The following RABIF variants were observed in gnomAD, a reference collection of about 807,000 sequenced individuals.
The protein encoded by RABIF is guanine nucleotide exchange factor MSS4.
In RABIF, 13 loss-of-function variants were observed where a neutral mutation model predicts 12.3. The ratio of observed to expected loss-of-function variants is 1.06; its 90% confidence interval spans 0.69 to 1.68. The LOEUF (loss-of-function observed/expected upper bound fraction) is 1.68, where lower values mean the gene tolerates loss of function less well. Among genes scored for constraint, RABIF ranks in the 40% most tolerant of loss-of-function variants. The pLI is 0.00. For synonymous variants in RABIF, 70 were observed against 63.3 expected (o/e 1.11, Z -0.50); for missense variants, 153 against 158.0 (o/e 0.97, Z 0.17).
In RABIF at chr1:202,889,087, C is replaced by T. The variant is rs34196310; in HGVS notation, c.12G>A (p.Ala4=). Residue 4 remains alanine (A), a synonymous_variant, in exon 1 of 2, where the codon GCG becomes GCA. Transcript: ENST00000367262. ...CTGACACTAACTCGCTCGGCTGCTCCGCTGGTTCCATCGCCGCTGCCGCCA... is the reference window on the plus strand; with the variant it reads ...CTGACACTAACTCGCTCGGCTGCTCTGCTGGTTCCATCGCCGCTGCCGCCA... MEP[A]EQPSELVSAE... 1.5e-3 allele frequency: 2,454 copies of T among 1,605,708 alleles called. 34 individuals carry two copies. In the African/African-American group the frequency reaches 0.029, roughly 19 times the overall value.
In RABIF at chr1:202,880,120, T is replaced by C. The variant is rs1182993212; in HGVS notation, c.*858A>G. The C allele has an allele frequency of 1.3e-5, 2 of 152,210 alleles. No individual in the cohort carries two copies. The highest frequency in any genetic ancestry group is 2.9e-5 in the Non-Finnish European group (2 of 68,030). The allele number at this position is 152,210 out of a possible 1,614,324, so 9.4% of individuals were successfully genotyped here. Reference sequence around the variant, plus strand: ...TTGCCTATGAACAAAAGAAGAAAGTTACTTGTCCAGATGTGGCAAATTATA... The same window carrying C: ...TTGCCTATGAACAAAAGAAGAAAGTCACTTGTCCAGATGTGGCAAATTATA... On this transcript the variant is annotated 3_prime_UTR_variant, in exon 2 of 2. Coordinates refer to ENST00000367262, the MANE Select transcript of RABIF (RefSeq NM_002871.5).
chr1:202,882,139 G>A (rs755671111), intron 1 of RABIF, among the ~76,000 whole-genome samples: 76 of 152,108 alleles, frequency 5.0e-4, no homozygotes, highest in Non-Finnish European at 4.4e-4. Flanking sequence ...CAGCCCTTTG[G>A]GAGGCTGAAG....
At chr1:202,886,537 G>A (rs1479955822) in intron 1 of RABIF, among the ~76,000 whole-genome samples, 1 of 152,002 alleles carries the variant, frequency 6.6e-6, no homozygotes, top group African/African-American at 2.4e-5. Context: ...AGTGAGCCGA[G>A]ATCATGCCAC....
rs1428413641 is a variant in RABIF at position 202,881,206 on chromosome 1, C to A, written c.144G>T (p.Met48Ile). ...FSRRQLFLPS[M>I]RKKPALSDGS... ...CGTCAGACAGAGCTGGCTTCTTTCT[C>A]ATGGAGGGAAGGAAAAGCTGCAGTG... Residue 48 changes from methionine (M) to isoleucine (I), a missense_variant, in exon 2 of 2, where the codon ATG (methionine) becomes ATT (isoleucine). Physicochemically the swap from Met to Ile is conservative, Grantham distance 10 (BLOSUM62 1). This residue lies in a region of RABIF where 113 missense variants were observed against 90.9 expected (regional missense o/e 1.24). Coordinates refer to ENST00000367262, the MANE Select transcript of RABIF (RefSeq NM_002871.5). The A allele has an allele frequency of 6.2e-7, 1 of 1,612,592 alleles. No individual in the cohort carries two copies. Among genetic ancestry groups the A allele is most frequent in the Middle Eastern group, 1.7e-4 (1 of 6,044 alleles).
intron 1 of RABIF, among the ~76,000 whole-genome samples, chr1:202,887,971 C>T (rs1007565742): frequency 2.0e-5 from 3 of 152,198 alleles, no homozygotes; most frequent in African/African-American, 7.2e-5. Flanking sequence ...GGGACCTCCA[C>T]CAATCTCTAG....
intron 1 of RABIF, among the ~76,000 whole-genome samples, chr1:202,886,385 C>G (rs1197467513): frequency 2.0e-5 from 3 of 151,482 alleles, no homozygotes; most frequent in African/African-American, 7.3e-5. Context: ...CCGGGCGGAG[C>G]GGCTCACCTG....
intron 1 of RABIF, among the ~76,000 whole-genome samples, chr1:202,886,221 C>A: frequency 1.9e-5 from 1 of 52,560 alleles, no homozygotes; most frequent in African/African-American, 4.8e-5. Context: ...TTTGACAGAG[C>A]ACAACGGGGA....
intron 1 of RABIF, among the ~76,000 whole-genome samples, chr1:202,883,606 C>T (rs1204145670): frequency 6.6e-6 from 1 of 152,158 alleles, no homozygotes; most frequent in Non-Finnish European, 1.5e-5. Context: ...TCTAACCAAT[C>T]AACCAAGAAT....
intron 1 of RABIF, among the ~76,000 whole-genome samples, chr1:202,883,124 T>C (rs978751454): frequency 6.6e-6 from 1 of 152,158 alleles, no homozygotes; most frequent in South Asian, 2.1e-4. Context: ...CCAGCCAAGT[T>C]TGTTACCCCT....
At chr1:202,881,705 A>C (rs1659494547) in intron 1 of RABIF, among the ~76,000 whole-genome samples, 1 of 152,186 alleles carries the variant, frequency 6.6e-6, no homozygotes, top group Non-Finnish European at 1.5e-5. Context: ...GATTCTTAAG[A>C]GAAATGAAAG....
intron 1 of RABIF, among the ~76,000 whole-genome samples, chr1:202,882,800 T>C (rs1659511527): frequency 6.6e-6 from 1 of 152,176 alleles, no homozygotes; most frequent in African/African-American, 2.4e-5. Context: ...TGTTCATTAC[T>C]AGATCTCTAG....
At chr1:202,882,921 T>C (rs1659512729) in intron 1 of RABIF, among the ~76,000 whole-genome samples, 2 of 152,200 alleles carry the variant, frequency 1.3e-5, no homozygotes, top group African/African-American at 2.4e-5. Context: ...ATACTGGATT[T>C]ATCTTATAAA....
intron 1 of RABIF, among the ~76,000 whole-genome samples, chr1:202,887,550 T>C (rs1222190657): frequency 6.7e-6 from 1 of 150,282 alleles, no homozygotes; most frequent in Non-Finnish European, 1.5e-5. Context: ...CACACTGGAG[T>C]GCAGTGACTC....
chr1:202,880,389 G>A lies in RABIF; in HGVS notation c.*589C>T, dbSNP rs558356013. The stretch of plus-strand genomic sequence containing the variant: ...AATAAAATGTCATTCTCAACCTAGA[G>A]CAGAGGTGCTCAAACATGGTATTAG... On this transcript the variant is annotated 3_prime_UTR_variant, in exon 2 of 2. Coordinates refer to ENST00000367262, the MANE Select transcript of RABIF (RefSeq NM_002871.5). 1 of 152,900 alleles carries A rather than the reference G, an allele frequency of 6.5e-6. No homozygotes were observed. Among genetic ancestry groups the A allele is most frequent in the African/African-American group, 2.4e-5 (1 of 41,590 alleles). The allele number at this position is 152,900 out of a possible 1,614,324, so 9.5% of individuals were successfully genotyped here. A position where few individuals can be genotyped will look rare whatever the true frequency, so the allele number is the denominator to read the frequency against.
At position 202,880,906 on chromosome 1, in the gene RABIF, C is replaced by T. The variant is rs1659478549; in HGVS notation, c.*72G>A. The T allele has an allele frequency of 6.3e-7, 1 of 1,578,326 alleles. No homozygotes were observed. The highest frequency in any genetic ancestry group is 1.3e-5 in the African/African-American group (1 of 74,192). ...ACAAGAAGGCAGCGGAACAGTTATACCACATTAAAGGCCAGTTCTTGTGGG... is the reference window on the plus strand; with the variant it reads ...ACAAGAAGGCAGCGGAACAGTTATATCACATTAAAGGCCAGTTCTTGTGGG... On this transcript the variant is annotated 3_prime_UTR_variant, in exon 2 of 2. Coordinates refer to ENST00000367262, the MANE Select transcript of RABIF (RefSeq NM_002871.5).
At chr1:202,887,026 TTTG>T (rs144719267) in intron 1 of RABIF, among the ~76,000 whole-genome samples, 60,015 of 108,492 alleles carry the variant, frequency 0.55, 13,343 homozygotes, top group Non-Finnish European at 0.64. Flanking sequence ...TGGGCTATGT[TTTG>T]TTTTTTTTTT....
chr1:202,883,371 C>G (rs552592951), intron 1 of RABIF, among the ~76,000 whole-genome samples: 3 of 152,224 alleles, frequency 2.0e-5, no homozygotes, highest in Non-Finnish European at 2.9e-5. Flanking sequence ...TAAAGGTGTC[C>G]TTAACACTTT....
At chr1:202,883,787 C>T (rs569854192) in intron 1 of RABIF, among the ~76,000 whole-genome samples, 2 of 152,332 alleles carry the variant, frequency 1.3e-5, no homozygotes, top group African/African-American at 4.8e-5. Flanking sequence ...AATTAACGGT[C>T]CATTCAAGGC....
At position 202,880,781 on chromosome 1, in the gene RABIF, G is replaced by C; in HGVS notation, c.*197C>G. On this transcript the variant is annotated 3_prime_UTR_variant, in exon 2 of 2. Transcript: ENST00000367262. Reference sequence around the variant, plus strand: ...GAGCTTAGGAAATGTGATACAAAGTGAACTAAGCAGGAGGCATGTACTTGA... The same window carrying C: ...GAGCTTAGGAAATGTGATACAAAGTCAACTAAGCAGGAGGCATGTACTTGA... The C allele has an allele frequency of 7.4e-7, 1 of 1,351,728 alleles. No homozygotes were observed. The highest frequency in any genetic ancestry group is 9.5e-7 in the Non-Finnish European group (1 of 1,050,144). 83.7% of individuals were successfully genotyped at this position (1,351,728 alleles called of 1,614,324 possible). A position where few individuals can be genotyped will look rare whatever the true frequency, so the allele number is the denominator to read the frequency against.
Sources: allele counts gnomAD v4.1 joint callset (sites outside exome capture counted in the v4.1 genomes callset), GRCh38; gene constraint gnomAD v4.1.1; regional missense constraint gnomAD v4.1.1; transcripts MANE v1.5; gene names NCBI Gene and HGNC (gene_info 2026-07-23, HGNC 2026-07-21).